FBXL7: variants seen among roughly 807,000 people sequenced by gnomAD.
The protein encoded by FBXL7 is F-box and leucine rich repeat protein 7.
A neutral mutation model predicts 38.3 loss-of-function variants in FBXL7; 12 were observed. The ratio of observed to expected loss-of-function variants is 0.31; its 90% CI spans 0.20 to 0.51. The LOEUF is 0.51. FBXL7 is among the 20% of genes least tolerant of loss of function. The probability of loss-of-function intolerance (pLI) is 0.98; values close to 1 mark genes in which losing one functional copy is unlikely to be tolerated. For missense variants in FBXL7, 567 were observed against 676.4 expected (o/e 0.84, Z 1.79); for synonymous variants, 297 against 300.9 (o/e 0.99, Z 0.13).
At chr5:15,846,463 T>A (rs1177035075) in intron 2 of FBXL7, among the ~76,000 whole-genome samples, 1 of 152,202 alleles carries the variant, frequency 6.6e-6, no homozygotes, top group African/African-American at 2.4e-5. Context: ...AATTTATGAA[T>A]CAGGTAGCTC....
At chr5:15,516,836 A>G (rs1017322425) in intron 1 of FBXL7, among the ~76,000 whole-genome samples, 3 of 151,842 alleles carry the variant, frequency 2.0e-5, no homozygotes, top group South Asian at 2.1e-4. Context: ...CCATGTGAGG[A>G]AGGACGCATT....
intron 2 of FBXL7, among the ~76,000 whole-genome samples, chr5:15,829,927 G>T (rs1175470580): frequency 6.6e-6 from 1 of 152,054 alleles, no homozygotes; most frequent in Non-Finnish European, 1.5e-5. Context: ...AATAATTTGG[G>T]TAATTTAAAA....
intron 2 of FBXL7, among the ~76,000 whole-genome samples, chr5:15,634,713 G>A (rs749010736): frequency 6.6e-6 from 1 of 152,202 alleles, no homozygotes; most frequent in African/African-American, 2.4e-5. Context: ...CGGGAGGTCA[G>A]AAGTCTGAAG....
intron 1 of FBXL7, among the ~76,000 whole-genome samples, chr5:15,573,348 A>C (rs1580378930): frequency 6.6e-6 from 1 of 152,344 alleles, no homozygotes; most frequent in Admixed American, 6.5e-5. Flanking sequence ...GGAGGAGGCA[A>C]GGAATATTAC....
At chr5:15,828,931 G>T (rs1436310652) in intron 2 of FBXL7, among the ~76,000 whole-genome samples, 5 of 152,120 alleles carry the variant, frequency 3.3e-5, no homozygotes, top group Non-Finnish European at 7.3e-5. Flanking sequence ...AACATTTTTT[G>T]ATTTCTGAAA....
intron 2 of FBXL7, among the ~76,000 whole-genome samples, chr5:15,757,539 GA>G (rs80038304): frequency 0.013 from 1,688 of 129,554 alleles, 16 homozygotes; most frequent in African/African-American, 0.034. Context: ...ATTTTCTCAG[GA>G]AAAAAAAAAA....
At chr5:15,572,890 C>T (rs574962102) in intron 1 of FBXL7, among the ~76,000 whole-genome samples, 2 of 152,240 alleles carry the variant, frequency 1.3e-5, no homozygotes, top group South Asian at 2.1e-4. Flanking sequence ...TGCTTTTCCA[C>T]AGTTAAAGGA....
rs189891089 is a variant in FBXL7, at chr5:15,884,167, C to T, written c.128-43723C>T. On this transcript the variant is annotated intron_variant, in intron 2 of 3. Transcript: ENST00000504595. ...ACCATCTCCCTGCCTGCTCACATGG[C>T]CACTGGGAGAGAAGGAGAGAAAGAG... 2.8e-3 allele frequency among the ~76,000 whole-genome samples: 422 copies of T among 152,308 alleles called. 1 individual carries two copies. Among genetic ancestry groups the T allele is most frequent in the Non-Finnish European group, 4.7e-3 (323 of 68,020 alleles).
chr5:15,701,728 C>A (rs1743530216), intron 2 of FBXL7, among the ~76,000 whole-genome samples: 1 of 152,050 alleles, frequency 6.6e-6, no homozygotes, highest in Admixed American at 6.6e-5. Flanking sequence ...ACATGAAATT[C>A]AGGAAAGTAA....
At chr5:15,614,984 T>C (rs1402582231) in intron 1 of FBXL7, among the ~76,000 whole-genome samples, 1 of 152,174 alleles carries the variant, frequency 6.6e-6, no homozygotes, top group East Asian at 1.9e-4. Flanking sequence ...ACCTTCACGA[T>C]AGCCTGTTGG....
intron 2 of FBXL7, among the ~76,000 whole-genome samples, chr5:15,726,607 C>T (rs1579411499): frequency 1.3e-5 from 2 of 151,992 alleles, no homozygotes. Flanking sequence ...GGAAGAATCA[C>T]TTGAACCCAG....
intron 3 of FBXL7, among the ~76,000 whole-genome samples, chr5:15,935,866 A>C (rs1742168737): frequency 6.6e-6 from 1 of 152,214 alleles, no homozygotes. Context: ...CATAAAGGAC[A>C]GTTCTGAGAA....
At chr5:15,828,694 A>T (rs570565230) in intron 2 of FBXL7, among the ~76,000 whole-genome samples, 53 of 152,160 alleles carry the variant, frequency 3.5e-4, no homozygotes, top group Non-Finnish European at 6.5e-4. Flanking sequence ...GATCCAGCCG[A>T]CCTTCAGTGC....
intron 2 of FBXL7, among the ~76,000 whole-genome samples, chr5:15,880,092 C>A (rs1740378332): frequency 6.6e-6 from 1 of 152,186 alleles, no homozygotes; most frequent in Admixed American, 6.5e-5. Flanking sequence ...TGGTGAAGGA[C>A]CATTCACAGC....
chr5:15,802,332 G>A (rs1737591199), intron 2 of FBXL7, among the ~76,000 whole-genome samples: 1 of 152,030 alleles, frequency 6.6e-6, no homozygotes, highest in South Asian at 2.1e-4. Flanking sequence ...TTAAGGTAAT[G>A]TCCATGTTTC....
At chr5:15,612,256 G>GTAA (rs1186446854) in intron 1 of FBXL7, among the ~76,000 whole-genome samples, 1 of 152,036 alleles carries the variant, frequency 6.6e-6, no homozygotes, top group Non-Finnish European at 1.5e-5. Flanking sequence ...TCCTTGGAGG[G>GTAA]TAAAATAATG....
At chr5:15,652,711 G>T (rs1741750726) in intron 2 of FBXL7, among the ~76,000 whole-genome samples, 1 of 152,168 alleles carries the variant, frequency 6.6e-6, no homozygotes, top group Non-Finnish European at 1.5e-5. Flanking sequence ...TTATTAATTG[G>T]CTGGAATTCA....
chr5:15,787,255 G>T (rs907950648), intron 2 of FBXL7, among the ~76,000 whole-genome samples: 3 of 152,220 alleles, frequency 2.0e-5, no homozygotes, highest in Non-Finnish European at 2.9e-5. Context: ...AAATCAGTCG[G>T]CATTGAAGAG....
intron 1 of FBXL7, among the ~76,000 whole-genome samples, chr5:15,517,667 G>C (rs898432469): frequency 6.6e-5 from 10 of 152,184 alleles, no homozygotes; most frequent in African/African-American, 2.4e-4. Context: ...TGTTTAGCAA[G>C]GGGAGCCTTG....
Sources: allele counts gnomAD v4.1 joint callset (sites outside exome capture counted in the v4.1 genomes callset), GRCh38; gene constraint gnomAD v4.1.1; transcripts MANE v1.5; gene names NCBI Gene and HGNC (gene_info 2026-07-23, HGNC 2026-07-21).